PTPRM: variants seen among roughly 807,000 people sequenced by gnomAD.
The protein encoded by PTPRM is receptor-type tyrosine-protein phosphatase mu.
PTPRM carries 47 observed loss-of-function variants against 186.7 expected under a neutral mutation model. That is an observed-to-expected ratio of 0.25 (90% confidence interval 0.20 to 0.32). The LOEUF (loss-of-function observed/expected upper bound fraction) is 0.32, where lower values mean the gene tolerates loss of function less well. PTPRM is among the 10% of genes least tolerant of loss of function. The pLI is 1.00. For synonymous variants in PTPRM, 668 were observed against 674.9 expected, an observed-to-expected ratio of 0.99 and a Z score of 0.16; for missense variants, 1,494 against 1,865.0, an observed-to-expected ratio of 0.80 and a Z score of 3.66.
At chr18:7,667,032 T>C (rs957805315) in intron 1 of PTPRM, among the ~76,000 whole-genome samples, 2 of 152,248 alleles carry the variant, frequency 1.3e-5, no homozygotes, top group African/African-American at 4.8e-5. Context: ...GGACCAACTC[T>C]GCCCAGCTGA....
At chr18:7,993,035 A>G (rs554557310) in intron 7 of PTPRM, among the ~76,000 whole-genome samples, 2 of 151,908 alleles carry the variant, frequency 1.3e-5, no homozygotes, top group African/African-American at 4.8e-5. Context: ...CATTAATGAC[A>G]TATCGTAAAA....
chr18:8,326,851 A>G (rs2095380348), intron 22 of PTPRM, among the ~76,000 whole-genome samples: 1 of 152,224 alleles, frequency 6.6e-6, no homozygotes. Flanking sequence ...AAATCCTGGA[A>G]TATAACCTAA....
intron 7 of PTPRM, among the ~76,000 whole-genome samples, chr18:7,960,761 A>G (rs2053625273): frequency 6.6e-6 from 1 of 151,666 alleles, no homozygotes; most frequent in South Asian, 2.1e-4. Flanking sequence ...TCTCTAATAT[A>G]TATATATTAC....
At chr18:8,258,057 A>G (rs981140844) in intron 19 of PTPRM, among the ~76,000 whole-genome samples, 8 of 152,248 alleles carry the variant, frequency 5.3e-5, no homozygotes, top group African/African-American at 1.9e-4. Context: ...GATTCAAAAG[A>G]AACTCAGACA....
chr18:8,344,474 A>ATATATATATATATATATATATATATATC (rs1318982857), intron 23 of PTPRM, among the ~76,000 whole-genome samples: 1 of 147,290 alleles, frequency 6.8e-6, no homozygotes. Flanking sequence ...ATATATATAT[A>ATATATATATATATATATATATATATATC]TCTAGCAAAA....
At chr18:7,772,389 TTC>T (rs1363070939) in intron 1 of PTPRM, among the ~76,000 whole-genome samples, 2 of 145,200 alleles carry the variant, frequency 1.4e-5, no homozygotes, top group African/African-American at 5.2e-5. Context: ...CTTTCTTTCT[TTC>T]TTTCTTTCTT....
intron 14 of PTPRM, among the ~76,000 whole-genome samples, chr18:8,221,676 T>A (rs1464892025): frequency 1.3e-5 from 2 of 152,212 alleles, no homozygotes; most frequent in African/African-American, 4.8e-5. Context: ...GTGCTGAGTT[T>A]GTCTGGGGCT....
chr18:7,868,402 T>C (rs1052112378), intron 2 of PTPRM, among the ~76,000 whole-genome samples: 1 of 152,224 alleles, frequency 6.6e-6, no homozygotes, highest in Non-Finnish European at 1.5e-5. Flanking sequence ...TTTTTGTTGA[T>C]GTTTATACTA....
At chr18:8,072,456 T>C (rs1450939642) in intron 8 of PTPRM, among the ~76,000 whole-genome samples, 2 of 152,174 alleles carry the variant, frequency 1.3e-5, no homozygotes, top group East Asian at 1.9e-4. Context: ...ATTGTTTTCC[T>C]AGCACACTAG....
At chr18:7,860,441 A>G (rs188659527) in intron 2 of PTPRM, among the ~76,000 whole-genome samples, 26 of 152,214 alleles carry the variant, frequency 1.7e-4, no homozygotes, top group African/African-American at 5.1e-4. Context: ...AGATGGATCT[A>G]TGTGCTCAGT....
intron 14 of PTPRM, among the ~76,000 whole-genome samples, chr18:8,166,433 C>A (rs1600953350): frequency 6.6e-6 from 1 of 152,272 alleles, no homozygotes; most frequent in South Asian, 2.1e-4. Flanking sequence ...TGTGTGACAT[C>A]TGTAAGGAAC....
chr18:7,997,197 GAC>G (rs1474319411), intron 7 of PTPRM, among the ~76,000 whole-genome samples: 2 of 152,090 alleles, frequency 1.3e-5, no homozygotes, highest in African/African-American at 4.8e-5. Context: ...CAGACACATA[GAC>G]CAACGGAACA....
At chr18:8,339,573 G>A (rs1177159480) in intron 22 of PTPRM, among the ~76,000 whole-genome samples, 3 of 152,170 alleles carry the variant, frequency 2.0e-5, no homozygotes, top group Non-Finnish European at 4.4e-5. Context: ...TGTCCACTCT[G>A]TGAGCAATCC....
chr18:7,829,953 A>G (rs1363612978), intron 2 of PTPRM, among the ~76,000 whole-genome samples: 1 of 152,142 alleles, frequency 6.6e-6, no homozygotes, highest in Non-Finnish European at 1.5e-5. Context: ...TGGTAATTAC[A>G]TTATTTAACA....
intron 32 of PTPRM, among the ~76,000 whole-genome samples, chr18:8,400,713 A>G (rs982862040): frequency 6.6e-6 from 1 of 151,926 alleles, no homozygotes; most frequent in African/African-American, 2.4e-5. Context: ...GACCCTCCAG[A>G]CTCAGCCTCA....
rs527267056 is a variant in PTPRM, at chr18:7,701,471, G to A, written c.74-72678G>A. On this transcript the variant is annotated intron_variant, in intron 1 of 32. Transcript: ENST00000580170. Reference sequence around the variant, plus strand: ...AAAAAGTAGCTGGGCGTGGTGGCGCGTGCGTGTAGTCCCAGCTACTCCAGA... The same window carrying A: ...AAAAAGTAGCTGGGCGTGGTGGCGCATGCGTGTAGTCCCAGCTACTCCAGA... 7.0e-4 allele frequency among the ~76,000 whole-genome samples: 106 copies of A among 151,872 alleles called. 1 individual carries two copies. In the South Asian group the frequency reaches 0.021, roughly 30 times the overall value.
At chr18:7,719,297 A>T (rs2040403535) in intron 1 of PTPRM, among the ~76,000 whole-genome samples, 1 of 152,104 alleles carries the variant, frequency 6.6e-6, no homozygotes, top group African/African-American at 2.4e-5. Context: ...GGAATGGAAA[A>T]TCAAATACTG....
intron 14 of PTPRM, among the ~76,000 whole-genome samples, chr18:8,217,521 C>A (rs1306382484): frequency 6.6e-6 from 1 of 152,142 alleles, no homozygotes; most frequent in Admixed American, 6.5e-5. Context: ...TTTTAGCTGC[C>A]TAAAGGTATT....
chr18:8,146,553 G>C (rs1210782621), intron 14 of PTPRM, among the ~76,000 whole-genome samples: 1 of 150,946 alleles, frequency 6.6e-6, no homozygotes, highest in Admixed American at 6.6e-5. Context: ...CTGGATATTA[G>C]CCCTTTGTCA....
Sources: gnomAD v4.1 joint callset for allele counts (sites outside exome capture counted in the v4.1 genomes callset) on GRCh38, gnomAD v4.1.1 for gene constraint, MANE v1.5 for transcripts, NCBI Gene and HGNC (gene_info 2026-07-23, HGNC 2026-07-21) for gene names.